BCKDHB: variants seen among roughly 807,000 people sequenced by gnomAD.
BCKDHB encodes branched chain keto acid dehydrogenase E1 subunit beta.
A neutral mutation model predicts 48.5 loss-of-function variants in BCKDHB; 41 were observed. The observed-to-expected ratio is 0.85, with a 90% confidence interval of 0.66 to 1.10. The LOEUF (loss-of-function observed/expected upper bound fraction) is 1.10, where lower values mean the gene tolerates loss of function less well. Among genes scored for constraint, BCKDHB ranks in the 50% least tolerant of loss-of-function variants. The pLI, the probability that BCKDHB is intolerant of heterozygous loss-of-function variation, is 0.00. For synonymous variants in BCKDHB, 201 were observed against 174.8 expected (o/e 1.15, Z -1.18); for missense variants, 496 against 494.2 (o/e 1.00, Z -0.03).
the BCKDHB span, among the ~76,000 whole-genome samples, chr6:80,432,443 C>T: frequency 6.6e-6 from 1 of 152,112 alleles, no homozygotes; most frequent in Admixed American, 6.5e-5. Flanking sequence ...TCTTCAATCA[C>T]TGATATCCTT....
intron 8 of BCKDHB, among the ~76,000 whole-genome samples, chr6:80,264,702 G>C (rs955658958): frequency 6.6e-6 from 1 of 152,060 alleles, no homozygotes; most frequent in Non-Finnish European, 1.5e-5. Context: ...ACCAGAACGT[G>C]ATGCTTTTTA....
At chr6:80,407,001 A>G in the BCKDHB span, among the ~76,000 whole-genome samples, 1 of 152,196 alleles carries the variant, frequency 6.6e-6, no homozygotes, top group Non-Finnish European at 1.5e-5. Context: ...CTTACATTTA[A>G]GTCTTTAATC....
chr6:80,113,393 G>A (rs1769516704), intron 1 of BCKDHB, among the ~76,000 whole-genome samples: 1 of 152,192 alleles, frequency 6.6e-6, no homozygotes, highest in South Asian at 2.1e-4. Flanking sequence ...AAAAAGGAAA[G>A]GACTCAGGCC....
At chr6:80,168,851 C>G (rs754133930) in intron 4 of BCKDHB, 24 bp from the exon 5 acceptor site, 2 of 1,611,974 alleles carry the variant, frequency 1.2e-6, no homozygotes, top group East Asian at 4.5e-5. Flanking sequence ...TGTGCCATGC[C>G]CCGTCTTTCT....
chr6:80,269,025 G>T (rs949552660), intron 8 of BCKDHB, among the ~76,000 whole-genome samples: 3 of 152,078 alleles, frequency 2.0e-5, no homozygotes, highest in African/African-American at 7.2e-5. Context: ...AATTTAAAGA[G>T]AACATGCATA....
chr6:80,107,543 GCA>G (rs1562050666), intron 1 of BCKDHB, among the ~76,000 whole-genome samples: 60 of 106,462 alleles, frequency 5.6e-4, no homozygotes, highest in African/African-American at 2.8e-3. Context: ...ATATATATAT[GCA>G]CACATATATA....
At chr6:80,224,154 T>C (rs2127868563) in intron 8 of BCKDHB, among the ~76,000 whole-genome samples, 1 of 152,246 alleles carries the variant, frequency 6.6e-6, no homozygotes, top group East Asian at 1.9e-4. Context: ...ACAGGGTAAC[T>C]CATATTTCCA....
intron 8 of BCKDHB, among the ~76,000 whole-genome samples, chr6:80,257,403 T>C (rs970960108): frequency 6.9e-6 from 1 of 143,984 alleles, no homozygotes; most frequent in African/African-American, 2.5e-5. Context: ...TAATTAAAGA[T>C]ATATAATTCA....
chr6:80,277,062 G>T (rs1003699389), intron 9 of BCKDHB, among the ~76,000 whole-genome samples: 15 of 151,754 alleles, frequency 9.9e-5, no homozygotes, highest in Admixed American at 9.2e-4. Flanking sequence ...CTCACTTTAG[G>T]GTATGGGAAC....
chr6:80,421,282 G>C, the BCKDHB span, among the ~76,000 whole-genome samples: 3 of 152,080 alleles, frequency 2.0e-5, no homozygotes, highest in African/African-American at 7.2e-5. Context: ...ATGATTGTAT[G>C]TTTCCTGAGG....
At chr6:80,181,753 A>C (rs1211980239) in intron 6 of BCKDHB, among the ~76,000 whole-genome samples, 1 of 152,174 alleles carries the variant, frequency 6.6e-6, no homozygotes, top group East Asian at 1.9e-4. Context: ...ATGTTGGCCA[A>C]AATAAGTCAC....
chr6:80,374,116 C>A, the BCKDHB span: 1 of 706,314 alleles, frequency 1.4e-6, no homozygotes, highest in South Asian at 1.3e-5. Flanking sequence ...TGTTCCTTTT[C>A]AGTAAGGCTC....
At chr6:80,419,199 G>C in the BCKDHB span, among the ~76,000 whole-genome samples, 1 of 152,222 alleles carries the variant, frequency 6.6e-6, no homozygotes, top group Admixed American at 6.5e-5. Context: ...CACCAGCAAA[G>C]TGATGTGGGG....
chr6:80,200,832 A>C, intron 6 of BCKDHB, 102 bp from the exon 7 acceptor site: 1 of 950,620 alleles, frequency 1.1e-6, no homozygotes, highest in South Asian at 1.5e-5. Context: ...AGAAACAAAA[A>C]ATAAAATAAA....
chr6:80,194,706 G>A (rs966862958), intron 6 of BCKDHB, among the ~76,000 whole-genome samples: 4 of 152,184 alleles, frequency 2.6e-5, no homozygotes, highest in Non-Finnish European at 5.9e-5. Flanking sequence ...TGCATCATAT[G>A]AGATGATGTT....
chr6:80,190,374 T>C (rs1773838388), intron 6 of BCKDHB, among the ~76,000 whole-genome samples: 1 of 152,204 alleles, frequency 6.6e-6, no homozygotes, highest in Non-Finnish European at 1.5e-5. Flanking sequence ...TTGATATATG[T>C]TTATATTTAA....
the BCKDHB span, among the ~76,000 whole-genome samples, chr6:80,366,288 C>T: frequency 6.6e-5 from 10 of 152,080 alleles, no homozygotes; most frequent in African/African-American, 2.2e-4. Context: ...CAGCCAGATG[C>T]GTATCATGGG....
At chr6:80,276,707 A>T (rs978603134) in intron 9 of BCKDHB, among the ~76,000 whole-genome samples, 5 of 151,486 alleles carry the variant, frequency 3.3e-5, no homozygotes, top group African/African-American at 1.2e-4. Context: ...TATTTATTTT[A>T]CCATTTTACA....
At chr6:80,245,246 C>A (rs892014587) in intron 8 of BCKDHB, among the ~76,000 whole-genome samples, 1 of 151,938 alleles carries the variant, frequency 6.6e-6, no homozygotes, top group Non-Finnish European at 1.5e-5. Flanking sequence ...CCAACAATTT[C>A]AGTAGTATTT....
Sources: gnomAD v4.1 joint callset for allele counts (sites outside exome capture counted in the v4.1 genomes callset) on GRCh38, gnomAD v4.1.1 for gene constraint, MANE v1.5 for transcripts, NCBI Gene and HGNC (gene_info 2026-07-23, HGNC 2026-07-21) for gene names.